Variants in RNF182 observed in about 807,000 individuals in gnomAD.
RNF182 encodes ring finger protein 182.
In RNF182, 15 loss-of-function variants were observed where a neutral mutation model predicts 14.4. That is an observed-to-expected ratio of 1.04 (90% CI 0.70 to 1.60). The LOEUF is 1.60. Among genes scored for constraint, RNF182 ranks in the 40% most tolerant of loss-of-function variants. RNF182 has a pLI of 0.00. For missense variants in RNF182, 268 were observed against 294.8 expected (o/e 0.91, Z 0.67); for synonymous variants, 128 against 122.9 (o/e 1.04, Z -0.27).
intron 1 of RNF182, chr6:13,949,180 A>C: frequency 1.2e-6 from 1 of 803,448 alleles, no homozygotes; most frequent in South Asian, 1.3e-5. Context: ...TCAGCCTACC[A>C]AAACTGTGTG....
chr6:13,976,399 A>G (rs186365235), intron 2 of RNF182, among the ~76,000 whole-genome samples: 2 of 152,350 alleles, frequency 1.3e-5, no homozygotes, highest in East Asian at 1.9e-4. Flanking sequence ...GCTCTACTTA[A>G]ATATGCTCTT....
At chr6:13,972,518 A>G (rs1375916612) in intron 1 of RNF182, among the ~76,000 whole-genome samples, 1 of 152,190 alleles carries the variant, frequency 6.6e-6, no homozygotes, top group Non-Finnish European at 1.5e-5. Flanking sequence ...TCACAGACCC[A>G]GAGGGCTAAG....
Position 13,968,556 on chromosome 6 carries a change from A to C in RNF182, c.-366-5654A>C, listed in dbSNP as rs985648152. On this transcript the variant is annotated intron_variant, in intron 1 of 2. Transcript: ENST00000488300. Reference sequence around the variant, plus strand: ...TGAATAGCTCGTGTTTCACTTATAAAATAAGCATACAGTTAATACCAAAAC... The same window carrying C: ...TGAATAGCTCGTGTTTCACTTATAACATAAGCATACAGTTAATACCAAAAC... 2.0e-5 allele frequency among the ~76,000 whole-genome samples: 3 copies of C among 152,222 alleles called. No individual in the cohort carries two copies. In the East Asian group the frequency reaches 5.8e-4, roughly 29 times the overall value.
At chr6:13,969,780 T>G (rs1760128890) in intron 1 of RNF182, among the ~76,000 whole-genome samples, 1 of 152,226 alleles carries the variant, frequency 6.6e-6, no homozygotes, top group Non-Finnish European at 1.5e-5. Flanking sequence ...ATTTGTATAG[T>G]CTTATCCCCA....
At chr6:13,925,687 T>C (rs1758806551) in intron 1 of RNF182, among the ~76,000 whole-genome samples, 1 of 152,188 alleles carries the variant, frequency 6.6e-6, no homozygotes, top group Non-Finnish European at 1.5e-5. Context: ...ACCGAGGTCA[T>C]TGCTTTTGTT....
At chr6:13,967,040 G>T (rs1337092456) in intron 1 of RNF182, among the ~76,000 whole-genome samples, 2 of 152,018 alleles carry the variant, frequency 1.3e-5, no homozygotes, top group Non-Finnish European at 2.9e-5. Flanking sequence ...GCTTTGCCTT[G>T]TTTCCTAGGC....
At position 13,978,941 on chromosome 6, in the gene RNF182, TATG is replaced by T. The variant is rs1300137740; in HGVS notation, c.*1082_*1084del. 1.2e-5 allele frequency: 2 copies of T among 167,030 alleles called. No individual in the cohort carries two copies. Among genetic ancestry groups the T allele is most frequent in the African/African-American group, 4.8e-5 (2 of 41,430 alleles). The allele number at this position is 167,030 out of a possible 1,614,324, so 10.3% of individuals were successfully genotyped here. A position where few individuals can be genotyped will look rare whatever the true frequency, so the allele number is the denominator to read the frequency against. On this transcript the variant is annotated 3_prime_UTR_variant, in exon 3 of 3. Transcript: ENST00000488300. The stretch of plus-strand genomic sequence containing the variant: ...TGTACGGTACTGAGCTGTACCAAAA[TATG>T]ATGGTTTAGGTTTATGTGCAAGACT...
chr6:13,958,167 C>G (rs1325494799), intron 1 of RNF182, among the ~76,000 whole-genome samples: 1 of 151,946 alleles, frequency 6.6e-6, no homozygotes. Flanking sequence ...GCAGGCAGAT[C>G]ACGAGGTCAA....
chr6:13,945,605 TC>T (rs1216819404), intron 1 of RNF182, among the ~76,000 whole-genome samples: 2 of 152,244 alleles, frequency 1.3e-5, no homozygotes, highest in African/African-American at 4.8e-5. Flanking sequence ...AAAATTTTTG[TC>T]ACTACAATGT....
chr6:13,961,989 G>C (rs1759896756), intron 1 of RNF182, among the ~76,000 whole-genome samples: 1 of 151,962 alleles, frequency 6.6e-6, no homozygotes, highest in Admixed American at 6.6e-5. Context: ...GGATTTTTTT[G>C]AATGGCATTT....
intron 1 of RNF182, among the ~76,000 whole-genome samples, chr6:13,955,642 G>A (rs1449880805): frequency 6.6e-6 from 1 of 152,224 alleles, no homozygotes; most frequent in Non-Finnish European, 1.5e-5. Context: ...CAGGGCCCTT[G>A]ATGCATTATG....
At chr6:13,970,024 T>C (rs565828797) in intron 1 of RNF182, among the ~76,000 whole-genome samples, 1 of 152,302 alleles carries the variant, frequency 6.6e-6, no homozygotes, top group South Asian at 2.1e-4. Context: ...TTTCCCTCTT[T>C]TGTTAATATA....
intron 1 of RNF182, among the ~76,000 whole-genome samples, chr6:13,959,843 G>A (rs1365829162): frequency 6.6e-6 from 1 of 152,152 alleles, no homozygotes; most frequent in African/African-American, 2.4e-5. Context: ...TGGAGGTACT[G>A]TAAGCCCTCT....
intron 1 of RNF182, among the ~76,000 whole-genome samples, chr6:13,947,937 G>T (rs1342043994): frequency 6.6e-6 from 1 of 152,120 alleles, no homozygotes; most frequent in Non-Finnish European, 1.5e-5. Context: ...CTCACAAATA[G>T]TTTCCAAATT....
At chr6:13,967,649 C>T (rs1190453811) in intron 1 of RNF182, among the ~76,000 whole-genome samples, 4 of 151,856 alleles carry the variant, frequency 2.6e-5, no homozygotes, top group Non-Finnish European at 4.4e-5. Flanking sequence ...ATCATAATCC[C>T]GTACTATTAG....
intron 1 of RNF182, among the ~76,000 whole-genome samples, chr6:13,938,682 G>A (rs986613581): frequency 3.3e-5 from 5 of 152,130 alleles, no homozygotes; most frequent in East Asian, 1.9e-4. Flanking sequence ...TTGACCCAGC[G>A]TTATTTATTG....
chr6:13,979,245 A>G lies in RNF182; in HGVS notation c.*1382A>G, dbSNP rs1459091511. ...TTTCTAAGAAGAATTTGTTTAGCAG[A>G]TTACAAGTTGGCAAAATAGACTGTT... is the stretch of plus-strand genomic sequence containing the variant. On this transcript the variant is annotated 3_prime_UTR_variant, in exon 3 of 3. Coordinates refer to ENST00000488300, the MANE Select transcript of RNF182 (RefSeq NM_152737.4). 1 of 166,312 alleles carries G rather than the reference A, an allele frequency of 6.0e-6. No individual in the cohort carries two copies. Among genetic ancestry groups the G allele is most frequent in the African/African-American group, 2.4e-5 (1 of 41,418 alleles). The allele number at this position is 166,312 out of a possible 1,614,324, so 10.3% of individuals were successfully genotyped here.
intron 1 of RNF182, among the ~76,000 whole-genome samples, chr6:13,951,618 T>G (rs1041699393): frequency 1.4e-4 from 21 of 152,210 alleles, no homozygotes; most frequent in Non-Finnish European, 8.8e-5. Context: ...ACCATTCATT[T>G]AACCAGTTTT....
chr6:13,944,602 G>C (rs1330167545), intron 1 of RNF182, among the ~76,000 whole-genome samples: 1 of 152,130 alleles, frequency 6.6e-6, no homozygotes, highest in Non-Finnish European at 1.5e-5. Context: ...CCAGAAATGG[G>C]GTGGAAATTA....
Sources: allele counts gnomAD v4.1 joint callset (sites outside exome capture counted in the v4.1 genomes callset), GRCh38; gene constraint gnomAD v4.1.1; transcripts MANE v1.5; gene names NCBI Gene and HGNC (gene_info 2026-07-23, HGNC 2026-07-21).